Variants in WAC observed in about 807,000 individuals in gnomAD.
WAC encodes WW domain-containing adapter protein with coiled-coil.
In WAC, 11 loss-of-function variants were observed where a neutral mutation model predicts 79.6. The ratio of observed to expected loss-of-function variants is 0.14; its 90% CI spans 0.09 to 0.23. The LOEUF (loss-of-function observed/expected upper bound fraction) is 0.23. Among genes scored for constraint, WAC ranks in the 10% least tolerant of loss-of-function variants. The probability of loss-of-function intolerance (pLI) is 1.00; values close to 1 mark genes in which losing one functional copy is unlikely to be tolerated. For missense variants in WAC, 728 were observed against 773.5 expected (o/e 0.94, Z 0.70); for synonymous variants, 304 against 276.9 (o/e 1.10, Z -0.97).
intron 3 of WAC, among the ~76,000 whole-genome samples, chr10:28,562,755 T>C (rs1838368918): frequency 6.6e-6 from 1 of 152,240 alleles, no homozygotes; most frequent in Non-Finnish European, 1.5e-5. Context: ...TAAATTGTAG[T>C]GCATTAATGA....
At chr10:28,600,293 C>CA (rs1202246222) in intron 7 of WAC, among the ~76,000 whole-genome samples, 1 of 152,098 alleles carries the variant, frequency 6.6e-6, no homozygotes, top group Non-Finnish European at 1.5e-5. Context: ...AGGTGTGAGT[C>CA]AGTCACTTGA....
At chr10:28,555,251 C>T (rs142490989) in intron 3 of WAC, among the ~76,000 whole-genome samples, 101 of 152,236 alleles carry the variant, frequency 6.6e-4, no homozygotes, top group Non-Finnish European at 1.4e-3. Context: ...CTCATGAGGC[C>T]CTACACGTTG....
chr10:28,551,110 A>T (rs1837644311), intron 3 of WAC, among the ~76,000 whole-genome samples: 1 of 152,062 alleles, frequency 6.6e-6, no homozygotes, highest in Admixed American at 6.6e-5. Flanking sequence ...TAGGGGGGAT[A>T]TTTTGGGGTG....
chr10:28,547,915 C>CTTTTT (rs11408560), intron 3 of WAC, among the ~76,000 whole-genome samples: 898 of 131,630 alleles, frequency 6.8e-3, no homozygotes, highest in Non-Finnish European at 8.1e-3. Context: ...TTCTCTTTTT[C>CTTTTT]TTTTTTTTTT....
At chr10:28,577,808 C>CA (rs374334659) in intron 3 of WAC, among the ~76,000 whole-genome samples, 31 of 152,230 alleles carry the variant, frequency 2.0e-4, no homozygotes, top group African/African-American at 7.2e-4. Context: ...CTTTGTTTCC[C>CA]AATGTGTGGC....
At position 28,535,746 on chromosome 10, in the gene WAC, A is replaced by G; in HGVS notation, c.263A>G (p.Glu88Gly). The change falls in exon 3 of 14, where the codon GAG (glutamate) becomes GGG (glycine). Residue 88 changes from glutamate to glycine, a missense_variant. Coordinates refer to ENST00000354911, the MANE Select transcript of WAC (RefSeq NM_016628.5). ...AKNVHTHRVR[E>G]RDGGTSYSPQ... ...AATGTGCATACTCACAGAGTTAGAG[A>G]GAGGGATGGTGGTGAGTATCTTTCT... The G allele has an allele frequency of 6.2e-7, 1 of 1,608,162 alleles. No individual in the cohort carries two copies.
chr10:28,543,343 C>A (rs1471788540), intron 3 of WAC, among the ~76,000 whole-genome samples: 1 of 152,292 alleles, frequency 6.6e-6, no homozygotes, highest in East Asian at 1.9e-4. Flanking sequence ...CCTAATATAT[C>A]AAAAATATTT....
intron 8 of WAC, among the ~76,000 whole-genome samples, chr10:28,608,939 G>A (rs1841091206): frequency 6.6e-6 from 1 of 151,918 alleles, no homozygotes; most frequent in African/African-American, 2.4e-5. Flanking sequence ...TTTTTTTCCT[G>A]GTGAATTGCA....
Position 28,620,118 on chromosome 10 carries a change from C to G in WAC, c.*512C>G, listed in dbSNP as rs761649539. On this transcript the variant is annotated 3_prime_UTR_variant, in exon 14 of 14. Transcript: ENST00000354911. ...TATGAAACAACTGTTTCCACACTTG[C>G]ACCTGATCAAGAGCAGTGCTTCTCC... 3 of 152,620 alleles carry G rather than the reference C, an allele frequency of 2.0e-5. No homozygotes were observed. The highest frequency in any genetic ancestry group is 4.8e-5 in the African/African-American group (2 of 41,434). The allele number at this position is 152,620 out of a possible 1,614,324, so 9.5% of individuals were successfully genotyped here. A position where few individuals can be genotyped will look rare whatever the true frequency, so the allele number is the denominator to read the frequency against.
At chr10:28,566,147 C>G (rs1325284217) in intron 3 of WAC, among the ~76,000 whole-genome samples, 1 of 152,150 alleles carries the variant, frequency 6.6e-6, no homozygotes, top group African/African-American at 2.4e-5. Context: ...GAAAGTCAGA[C>G]AAAGCTCCAG....
At chr10:28,561,348 C>A (rs1479160510) in intron 3 of WAC, among the ~76,000 whole-genome samples, 1 of 152,198 alleles carries the variant, frequency 6.6e-6, no homozygotes. Context: ...TCATTTTATT[C>A]TCTAACCCTT....
chr10:28,590,676 C>T (rs375441737), intron 5 of WAC, 44 bp from the exon 6 acceptor site: 1 of 1,496,088 alleles, frequency 6.7e-7, no homozygotes, highest in Non-Finnish European at 9.0e-7. Flanking sequence ...AAACTCATGC[C>T]CTTAATGTAA....
At chr10:28,537,118 T>TG (rs1483793540) in intron 3 of WAC, among the ~76,000 whole-genome samples, 1 of 152,232 alleles carries the variant, frequency 6.6e-6, no homozygotes, top group Non-Finnish European at 1.5e-5. Context: ...TTGAATAATT[T>TG]GGATGAGAAG....
chr10:28,557,659 A>G (rs921951666), intron 3 of WAC, among the ~76,000 whole-genome samples: 5 of 152,066 alleles, frequency 3.3e-5, no homozygotes, highest in Non-Finnish European at 7.4e-5. Context: ...GTTCCACTGC[A>G]CTCCAGCCTG....
At chr10:28,590,681 A>G (rs766497584) in intron 5 of WAC, 39 bp from the exon 6 acceptor site, 1 of 1,510,976 alleles carries the variant, frequency 6.6e-7, no homozygotes, top group Non-Finnish European at 8.9e-7. Flanking sequence ...CATGCCCTTA[A>G]TGTAATTTTT....
At chr10:28,572,811 C>T (rs1839046629) in intron 3 of WAC, among the ~76,000 whole-genome samples, 1 of 152,154 alleles carries the variant, frequency 6.6e-6, no homozygotes. Context: ...AACTCAGTCT[C>T]AGCAACAACA....
chr10:28,600,436 GC>G (rs1223576194), intron 7 of WAC, among the ~76,000 whole-genome samples: 1 of 152,094 alleles, frequency 6.6e-6, no homozygotes, highest in Non-Finnish European at 1.5e-5. Context: ...GTGGTAGTGG[GC>G]CAACTTCAGC....
chr10:28,547,108 G>A (rs1564376665), intron 3 of WAC, among the ~76,000 whole-genome samples: 1 of 152,176 alleles, frequency 6.6e-6, no homozygotes. Flanking sequence ...GAATAATTAT[G>A]TAGTATGTCT....
rs1365886112 is a variant in WAC, at chr10:28,583,450, G to T, written c.326G>T (p.Ser109Ile). ...TCACACAACCACAGTGCTCTTCATA[G>T]TTCAAATTCACATTCTTCTAATCCA... ...ENSHNHSALH[S>I]SNSHSSNPSN... The change falls in exon 4 of 14, where the codon AGT becomes ATT. Residue 109 changes from serine (S) to isoleucine (I), a missense_variant. By Grantham distance (142) the Ser-to-Ile change is moderately radical (BLOSUM62 -2). Coordinates refer to ENST00000354911, the MANE Select transcript of WAC (RefSeq NM_016628.5). 11 of 1,596,420 alleles carry T rather than the reference G, an allele frequency of 6.9e-6. No individual in the cohort carries two copies. Among genetic ancestry groups the T allele is most frequent in the African/African-American group, 1.4e-5 (1 of 72,790 alleles).
Sources: allele counts gnomAD v4.1 joint callset (sites outside exome capture counted in the v4.1 genomes callset), GRCh38; gene constraint gnomAD v4.1.1; transcripts MANE v1.5; gene names NCBI Gene and HGNC (gene_info 2026-07-23, HGNC 2026-07-21).